Variants in NPIPA3 observed in about 807,000 individuals in gnomAD.
NPIPA3 encodes the protein nuclear pore complex interacting protein family member A3, also known as nuclear pore complex-interacting protein family member A3.
A neutral mutation model predicts 1.4 loss-of-function variants in NPIPA3; 1 was observed. The ratio of observed to expected loss-of-function variants is 0.73; its 90% CI spans 0.26 to 3.47. The LOEUF is 3.47. NPIPA3 is among the 30% of genes most tolerant of loss of function. NPIPA3 has a pLI of 0.19.
chr16:14,722,297 C>A (rs1319355943), intron 4 of NPIPA3, among the ~76,000 whole-genome samples: 3 of 58,414 alleles, frequency 5.1e-5, no homozygotes, highest in African/African-American at 1.0e-4. Flanking sequence ...GAAGTGTTTT[C>A]GTCTCTGTTT....
chr16:14,718,548 G>C (rs1442628854), intron 2 of NPIPA3, among the ~76,000 whole-genome samples: 1 of 6,114 alleles, frequency 1.6e-4, no homozygotes, highest in Non-Finnish European at 7.2e-4. Context: ...AAATCTTGGC[G>C]GGAATTCAGT....
chr16:14,710,002 C>A (rs1182413285), intron 1 of NPIPA3, among the ~76,000 whole-genome samples: 1 of 59,734 alleles, frequency 1.7e-5, no homozygotes, highest in Non-Finnish European at 4.1e-5. Context: ...CAGACAGACA[C>A]ACACACACAC....
intron 4 of NPIPA3, among the ~76,000 whole-genome samples, chr16:14,722,618 G>A (rs1197518970): frequency 1.5e-4 from 1 of 6,590 alleles, no homozygotes. Flanking sequence ...CTTTAAAGTC[G>A]ATGACAAGAG....
chr16:14,709,968 T>G (rs1348871537), intron 1 of NPIPA3, among the ~76,000 whole-genome samples: 1 of 43,870 alleles, frequency 2.3e-5, no homozygotes, highest in Non-Finnish European at 5.5e-5. Flanking sequence ...ATTTTTGAGA[T>G]TTATATAGAT....
intron 1 of NPIPA3, among the ~76,000 whole-genome samples, chr16:14,710,085 G>A (rs1482862372): frequency 6.9e-5 from 4 of 57,808 alleles, no homozygotes; most frequent in African/African-American, 2.2e-4. Flanking sequence ...AGGCTGGAGT[G>A]CAATGGCACA....
chr16:14,713,387 A>ATTTG (rs1362554107), intron 1 of NPIPA3, among the ~76,000 whole-genome samples: 1 of 69,882 alleles, frequency 1.4e-5, no homozygotes, highest in Non-Finnish European at 3.2e-5. Context: ...TTATTTATTT[A>ATTTG]TTTGAGACAG....
rs993071116 is a variant in NPIPA3 at position 14,722,187 on chromosome 16, T to G, written c.495-1005T>G. Among the ~76,000 whole-genome samples, 23 of 35,294 alleles carry G rather than the reference T, an allele frequency of 6.5e-4. 1 individual carries two copies. The highest frequency in any genetic ancestry group is 1.0e-3 in the African/African-American group (22 of 21,358). The allele number at this position is 35,294 out of a possible 152,430, so 23.2% of individuals were successfully genotyped here. A position where few individuals can be genotyped will look rare whatever the true frequency, so the allele number is the denominator to read the frequency against. ...GGACAGGACCCTGCTCCCATTGCAT[T>G]GTCAGCACCTCACCACACACACCTT... On this transcript the variant is annotated intron_variant, in intron 4 of 7. Transcript: ENST00000531598.
intron 2 of NPIPA3, among the ~76,000 whole-genome samples, chr16:14,718,578 C>T (rs1366473892): frequency 3.0e-3 from 24 of 8,058 alleles, no homozygotes; most frequent in African/African-American, 5.5e-3. Flanking sequence ...GAATGTTTTG[C>T]GTTAAGTTCA....
intron 5 of NPIPA3, among the ~76,000 whole-genome samples, chr16:14,723,863 T>TGTTTTTG (rs1961605086): frequency 3.9e-5 from 1 of 25,454 alleles, no homozygotes; most frequent in African/African-American, 6.5e-5. Flanking sequence ...TTTTTGTTTT[T>TGTTTTTG]GTTTTTGTTT....
rs1328096629 is a variant in NPIPA3, at chr16:14,722,408, A to C, written c.495-784A>C. 7.9e-5 allele frequency among the ~76,000 whole-genome samples: 3 copies of C among 37,762 alleles called. 1 individual carries two copies. The highest frequency in any genetic ancestry group is 3.0e-4 in the Non-Finnish European group (3 of 9,878). The allele number at this position is 37,762 out of a possible 152,430, so 24.8% of individuals were successfully genotyped here. On this transcript the variant is annotated intron_variant, in intron 4 of 7. Transcript: ENST00000531598. ...GAATCAAGTGGTGTGAGGGCAACAC[A>C]GCAAACTTACCCTTTTGAGGCCGTT...
chr16:14,709,974 T>G (rs1226422261), intron 1 of NPIPA3, among the ~76,000 whole-genome samples: 1 of 46,254 alleles, frequency 2.2e-5, no homozygotes, highest in African/African-American at 7.0e-5. Context: ...GAGATTTATA[T>G]AGATACACAC....
intron 1 of NPIPA3, among the ~76,000 whole-genome samples, chr16:14,710,010 C>T (rs1961235386): frequency 3.1e-5 from 2 of 64,084 alleles, no homozygotes; most frequent in East Asian, 3.0e-4. Context: ...CACACACACA[C>T]ACACATATAT....
At chr16:14,709,978 TAC>T (rs1304177587) in intron 1 of NPIPA3, among the ~76,000 whole-genome samples, 10 of 46,058 alleles carry the variant, frequency 2.2e-4, no homozygotes, top group Admixed American at 6.5e-4. Flanking sequence ...TTTATATAGA[TAC>T]ACACACACAC....
At chr16:14,718,564 G>T (rs1326094750) in intron 2 of NPIPA3, among the ~76,000 whole-genome samples, 2 of 7,266 alleles carry the variant, frequency 2.8e-4, no homozygotes, top group Middle Eastern at 0.021. Flanking sequence ...TCAGTCATTA[G>T]TGAGAATGTT....
intron 1 of NPIPA3, among the ~76,000 whole-genome samples, chr16:14,709,978 T>TACAC (rs1304177587): frequency 2.2e-5 from 1 of 46,076 alleles, no homozygotes; most frequent in Non-Finnish European, 5.3e-5. Flanking sequence ...TTTATATAGA[T>TACAC]ACACACACAC....
At chr16:14,719,147 G>A (rs1961492885) in intron 2 of NPIPA3, among the ~76,000 whole-genome samples, 1 of 9,158 alleles carries the variant, frequency 1.1e-4, no homozygotes, top group South Asian at 1.9e-3. Context: ...GTGAGCTACC[G>A]CACCTGGCCT....
At chr16:14,718,889 T>C in intron 2 of NPIPA3, among the ~76,000 whole-genome samples, 1 of 81,088 alleles carries the variant, frequency 1.2e-5, no homozygotes, top group African/African-American at 3.8e-5. Flanking sequence ...AGACGGAGTC[T>C]CACTCTGTCA....
Position 14,713,390 on chromosome 16 carries a change from TGA to T in NPIPA3, c.121-2675_121-2674del, listed in dbSNP as rs1183784840. ...TTATTTATTTATTTATTTATTTATT[TGA>T]GACAGTTTCTCCCTTGTTGCTGAGG... On this transcript the variant is annotated intron_variant, in intron 1 of 7. Transcript: ENST00000531598. 2.9e-5 allele frequency among the ~76,000 whole-genome samples: 2 copies of T among 68,888 alleles called. 1 individual carries two copies. The highest frequency in any genetic ancestry group is 6.6e-5 in the Non-Finnish European group (2 of 30,094). 45.2% of individuals were successfully genotyped at this position (68,888 alleles called of 152,430 possible). A position where few individuals can be genotyped will look rare whatever the true frequency, so the allele number is the denominator to read the frequency against.
intron 4 of NPIPA3, among the ~76,000 whole-genome samples, chr16:14,722,157 C>T (rs1345072264): frequency 5.1e-5 from 1 of 19,658 alleles, no homozygotes; most frequent in African/African-American, 7.1e-5. Context: ...GCTTCTTTAG[C>T]GTGGGGACAG....
Sources: allele counts gnomAD v4.1 joint callset (sites outside exome capture counted in the v4.1 genomes callset), GRCh38; gene constraint gnomAD v4.1.1; transcripts MANE v1.5; gene names NCBI Gene and HGNC (gene_info 2026-07-23, HGNC 2026-07-21).